Variants in SULT1B1 observed in about 807,000 individuals in gnomAD.
The protein encoded by SULT1B1 is sulfotransferase 1B1.
In SULT1B1, 28 loss-of-function variants were observed where a neutral mutation model predicts 34.6. The observed-to-expected ratio is 0.81, with a 90% CI of 0.60 to 1.11. The LOEUF (loss-of-function observed/expected upper bound fraction) is 1.11. SULT1B1 is among the 50% of genes least tolerant of loss of function. The pLI, the probability that SULT1B1 is intolerant of heterozygous loss-of-function variation, is 0.00. For synonymous variants in SULT1B1, 147 were observed against 110.2 expected (o/e 1.33, Z -2.09); for missense variants, 374 against 352.2 (o/e 1.06, Z -0.50).
chr4:69,724,325 G>T lies in SULT1B1; in HGVS notation c.*2763C>A, dbSNP rs539868314. On this transcript the variant is annotated 3_prime_UTR_variant, in exon 8 of 8. Coordinates refer to ENST00000310613, the MANE Select transcript of SULT1B1 (RefSeq NM_014465.4). ...AATCCAACTTACAAGGGATGTGAAG[G>T]ATCACTTCAAGGAGAACTACAAACC... 4.6e-5 allele frequency: 7 copies of T among 152,260 alleles called. No individual in the cohort carries two copies. In the East Asian group the frequency reaches 1.4e-3, roughly 29 times the overall value. The allele number at this position is 152,260 out of a possible 1,614,324, so 9.4% of individuals were successfully genotyped here. A position where few individuals can be genotyped will look rare whatever the true frequency, so the allele number is the denominator to read the frequency against.
At chr4:69,759,800 T>TA (rs1719326001) in intron 1 of SULT1B1, among the ~76,000 whole-genome samples, 1 of 152,224 alleles carries the variant, frequency 6.6e-6, no homozygotes, top group Non-Finnish European at 1.5e-5. Context: ...TTGTAAATTA[T>TA]ACATGGGATC....
chr4:69,752,195 A>G (rs115579168), intron 3 of SULT1B1, among the ~76,000 whole-genome samples: 1,914 of 152,304 alleles, frequency 0.013, 37 homozygotes, highest in African/African-American at 0.045. Flanking sequence ...GAGTATTTAT[A>G]CTTGAATTTT....
rs1488593571 is a variant in SULT1B1 at position 69,734,280 on chromosome 4, G to A, written c.376-16C>T. The stretch of plus-strand genomic sequence containing the variant: ...GATAAATCATCTGCAGTGGGGGGTG[G>A]GGGTAGGAGAAAAAAATAAGATAAA... On this transcript the variant is annotated splice_polypyrimidine_tract_variant and intron_variant, in intron 4 of 7. Coordinates refer to ENST00000310613, the MANE Select transcript of SULT1B1 (RefSeq NM_014465.4). The A allele has an allele frequency of 2.1e-5, 33 of 1,601,638 alleles. No homozygotes were observed. The highest frequency in any genetic ancestry group is 2.7e-5 in the Non-Finnish European group (32 of 1,175,246).
chr4:69,744,819 G>A (rs963182287), intron 4 of SULT1B1, among the ~76,000 whole-genome samples: 3 of 152,076 alleles, frequency 2.0e-5, no homozygotes, highest in African/African-American at 7.2e-5. Flanking sequence ...GCAATGTTAG[G>A]TTGTTAATGT....
Position 69,730,640 on chromosome 4 carries a change from C to A in SULT1B1, c.639G>T (p.Glu213Asp). 6.2e-7 allele frequency: 1 copy of A among 1,612,926 alleles called. No homozygotes were observed. Among genetic ancestry groups the A allele is most frequent in the Non-Finnish European group, 8.5e-7 (1 of 1,179,658 alleles). The stretch of plus-strand genomic sequence containing the variant: ...CCAAGATCTCATCATTCAGGTTCTT[C>A]TCTAGAAATCTAATGATCTTCTTGA... Reference protein sequence around the residue: ...EEIKKIIRFLEKNLNDEILDR... With the variant: ...EEIKKIIRFLDKNLNDEILDR... Residue 213 changes from glutamate to aspartate, a missense_variant, in exon 7 of 8, where the codon GAG becomes GAT. By Grantham distance (45) the Glu-to-Asp change is conservative (BLOSUM62 2). Transcript: ENST00000310613.
At chr4:69,742,444 A>G (rs1031794578) in intron 4 of SULT1B1, among the ~76,000 whole-genome samples, 12 of 152,108 alleles carry the variant, frequency 7.9e-5, no homozygotes, top group Non-Finnish European at 2.9e-5. Context: ...TAGGATTGGT[A>G]TTAGTTCTTT....
chr4:69,760,240 C>T (rs1719340883), intron 1 of SULT1B1: 2 of 983,980 alleles, frequency 2.0e-6, no homozygotes, highest in Admixed American at 1.2e-4. Flanking sequence ...TCCTTGCATG[C>T]TTCAGTTCCA....
chr4:69,749,945 C>T (rs971529286), intron 3 of SULT1B1, 127 bp from the exon 4 acceptor site: 1 of 653,136 alleles, frequency 1.5e-6, no homozygotes, highest in Admixed American at 2.3e-5. Context: ...CTGAAACAAT[C>T]ACAGGCATTT....
chr4:69,730,608 A>G lies in SULT1B1; in HGVS notation c.671T>C (p.Ile224Thr), dbSNP rs562541624. The G allele has an allele frequency of 6.2e-7, 1 of 1,613,366 alleles. No individual in the cohort carries two copies. Among genetic ancestry groups the G allele is most frequent in the East Asian group, 2.2e-5 (1 of 44,766 alleles). ...KNLNDEILDR[I>T]IHHTSFEVMK... ...CACTTCAAATGAGGTGTGATGGATGATCCTATCCAAGATCTCATCATTCAG... is the reference window on the plus strand; with the variant it reads ...CACTTCAAATGAGGTGTGATGGATGGTCCTATCCAAGATCTCATCATTCAG... Residue 224 changes from isoleucine to threonine, a missense_variant, in exon 7 of 8, where the codon ATC becomes ACC. Ile to Thr is a moderately conservative substitution (Grantham distance 89). Transcript: ENST00000310613.
Position 69,755,147 on chromosome 4 carries a change from A to G in SULT1B1, c.71T>C (p.Phe24Ser). ...LVHGYPMTCAFASNWEKIEQF... is the reference protein window; with the variant it reads ...LVHGYPMTCASASNWEKIEQF... ...TTCAATTTTTTCCCAGTTGCTTGCA[A>G]AAGCACAGGTCATGGGATAACCATG... The change falls in exon 2 of 8, where the codon TTT (phenylalanine) becomes TCT (serine). Residue 24 changes from phenylalanine (F) to serine (S), a missense_variant. Physicochemically the swap from Phe to Ser is radical, Grantham distance 155. Coordinates refer to ENST00000310613, the MANE Select transcript of SULT1B1 (RefSeq NM_014465.4). 2 of 1,613,982 alleles carry G rather than the reference A, an allele frequency of 1.2e-6. No individual in the cohort carries two copies. Among genetic ancestry groups the G allele is most frequent in the South Asian group, 2.2e-5 (2 of 91,076 alleles).
chr4:69,730,199 T>C (rs1242225102), intron 7 of SULT1B1, among the ~76,000 whole-genome samples: 1 of 152,074 alleles, frequency 6.6e-6, no homozygotes, highest in African/African-American at 2.4e-5. Context: ...TAGACAAAGA[T>C]TGAAGGGAGT....
Position 69,734,179 on chromosome 4 carries a change from C to T in SULT1B1, c.461G>A (p.Gly154Asp). 6.2e-7 allele frequency: 1 copy of T among 1,611,510 alleles called. No individual in the cohort carries two copies. Among genetic ancestry groups the T allele is most frequent in the Non-Finnish European group, 8.5e-7 (1 of 1,178,768 alleles). ...DLMNNLQPFP[G>D]TWEEYLEKFL... ...TTTCTCCAGATATTCTTCCCAGGTA[C>T]CAGGAAAAGGCTGTAAATTATTCAT... is the stretch of plus-strand genomic sequence containing the variant. Residue 154 changes from glycine to aspartate, a missense_variant, in exon 5 of 8, where the codon GGT (glycine) becomes GAT (aspartate). Gly to Asp is a moderately conservative substitution (Grantham distance 94). Transcript: ENST00000310613.
At position 69,755,230 on chromosome 4, in the gene SULT1B1, T is replaced by A. The variant is rs368250714; in HGVS notation, c.-13A>T. 1.9e-6 allele frequency: 3 copies of A among 1,611,900 alleles called. No homozygotes were observed. The African/African-American group carries it at 4.0e-5, about 22-fold the overall frequency. ...TTGGGGAAAGCATTTTAATACCAGA[T>A]TGTACAAATATATAATAGATTGACA... On this transcript the variant is annotated 5_prime_UTR_variant, in exon 2 of 8. Transcript: ENST00000310613.
At position 69,760,594 on chromosome 4, in the gene SULT1B1, T is replaced by C. The variant is rs1211326700; in HGVS notation, c.-180A>G. On this transcript the variant is annotated 5_prime_UTR_variant, in exon 1 of 8. Transcript: ENST00000310613. Reference sequence around the variant, plus strand: ...CTCCTGGCACCAGAAAAAAAAAAGTTCAAGGTTTGATCTGAACGTAGCAAT... The same window carrying C: ...CTCCTGGCACCAGAAAAAAAAAAGTCCAAGGTTTGATCTGAACGTAGCAAT... 1 of 151,930 alleles carries C rather than the reference T, an allele frequency of 6.6e-6. No individual in the cohort carries two copies. The highest frequency in any genetic ancestry group is 1.5e-5 in the Non-Finnish European group (1 of 68,012). The allele number at this position is 151,930 out of a possible 1,614,324, so 9.4% of individuals were successfully genotyped here.
Position 69,722,095 on chromosome 4 carries a change from C to T in SULT1B1, c.*4993G>A, listed in dbSNP as rs1045398645. The stretch of plus-strand genomic sequence containing the variant: ...GGAATTAGGATAGTGACATTTGCAT[C>T]ATAGAATAAATATATAAGAGGCAAC... On this transcript the variant is annotated 3_prime_UTR_variant, in exon 8 of 8. Transcript: ENST00000310613. 5.3e-5 allele frequency: 8 copies of T among 151,996 alleles called. No homozygotes were observed. The highest frequency in any genetic ancestry group is 1.9e-4 in the African/African-American group (8 of 41,414). 9.4% of individuals were successfully genotyped at this position (151,996 alleles called of 1,614,324 possible).
chr4:69,734,584 T>C (rs980206961), intron 4 of SULT1B1, among the ~76,000 whole-genome samples: 1 of 152,034 alleles, frequency 6.6e-6, no homozygotes, highest in African/African-American at 2.4e-5. Flanking sequence ...ACACACATTA[T>C]CAAGAAAATG....
chr4:69,749,366 T>C (rs1325072020), intron 4 of SULT1B1, among the ~76,000 whole-genome samples: 2 of 152,034 alleles, frequency 1.3e-5, no homozygotes, highest in South Asian at 2.1e-4. Flanking sequence ...CAAAAGCAGA[T>C]AAGCAGGAAC....
chr4:69,730,777 T>C (rs1560520217), intron 6 of SULT1B1, 96 bp from the exon 7 acceptor site: 1 of 1,079,142 alleles, frequency 9.3e-7, no homozygotes, highest in African/African-American at 1.6e-5. Context: ...ATGTTGACTC[T>C]GAATAGTATA....
At chr4:69,753,580 T>A (rs1214007500) in intron 3 of SULT1B1, among the ~76,000 whole-genome samples, 1 of 152,194 alleles carries the variant, frequency 6.6e-6, no homozygotes, top group Non-Finnish European at 1.5e-5. Context: ...CATTTTAGTC[T>A]CCGGACTATA....
Sources: gnomAD v4.1 joint callset for allele counts (sites outside exome capture counted in the v4.1 genomes callset) on GRCh38, gnomAD v4.1.1 for gene constraint, MANE v1.5 for transcripts, NCBI Gene and HGNC (gene_info 2026-07-23, HGNC 2026-07-21) for gene names.